Variants in SPIDR observed in about 807,000 individuals in gnomAD.
The protein encoded by SPIDR is DNA repair-scaffolding protein.
Under a neutral mutation model 104.6 loss-of-function variants are expected in SPIDR, and 93 were observed. That is an observed-to-expected ratio of 0.89 (90% CI 0.75 to 1.06). The LOEUF (loss-of-function observed/expected upper bound fraction) is 1.06, where lower values mean the gene tolerates loss of function less well. Among genes scored for constraint, SPIDR ranks in the 50% least tolerant of loss-of-function variants. The pLI is 0.00. For missense variants in SPIDR, 1,154 were observed against 1,111.2 expected (o/e 1.04, Z -0.55); for synonymous variants, 431 against 416.9 (o/e 1.03, Z -0.41).
chr8:47,389,169 A>G (rs1396846411), intron 5 of SPIDR, among the ~76,000 whole-genome samples: 2 of 152,224 alleles, frequency 1.3e-5, no homozygotes, highest in South Asian at 2.1e-4. Flanking sequence ...TTTTAATGCT[A>G]TAAAAGATCC....
At chr8:47,592,518 T>A in intron 8 of SPIDR, 1 of 1,392,000 alleles carries the variant, frequency 7.2e-7, no homozygotes, top group Admixed American at 1.7e-5. Context: ...TAACAGGCAT[T>A]GCTCTCATCT....
At chr8:47,641,600 A>G (rs1439117510) in intron 10 of SPIDR, among the ~76,000 whole-genome samples, 2 of 152,174 alleles carry the variant, frequency 1.3e-5, no homozygotes, top group Non-Finnish European at 2.9e-5. Flanking sequence ...CAGTTCTTGA[A>G]ATTTAAGTAA....
At chr8:47,628,168 A>G (rs1229062621) in intron 10 of SPIDR, among the ~76,000 whole-genome samples, 1 of 152,212 alleles carries the variant, frequency 6.6e-6, no homozygotes, top group Non-Finnish European at 1.5e-5. Flanking sequence ...CCTTCCACAG[A>G]ACATGCTTCC....
intron 8 of SPIDR, among the ~76,000 whole-genome samples, chr8:47,467,269 G>T (rs958190017): frequency 6.6e-6 from 1 of 152,064 alleles, no homozygotes; most frequent in African/African-American, 2.4e-5. Flanking sequence ...ATTCACAGCT[G>T]AATTCTACCA....
intron 5 of SPIDR, among the ~76,000 whole-genome samples, chr8:47,339,149 G>A (rs1646146881): frequency 6.6e-6 from 1 of 152,142 alleles, no homozygotes; most frequent in African/African-American, 2.4e-5. Context: ...CACCATTCAA[G>A]AATTAAGATT....
At chr8:47,304,240 C>T (rs1360375511) in intron 5 of SPIDR, among the ~76,000 whole-genome samples, 2 of 152,084 alleles carry the variant, frequency 1.3e-5, no homozygotes, top group African/African-American at 4.8e-5. Context: ...ATTGTAATTT[C>T]CATTGTTGGA....
At chr8:47,522,528 T>C (rs751315027) in intron 8 of SPIDR, among the ~76,000 whole-genome samples, 19 of 152,142 alleles carry the variant, frequency 1.2e-4, no homozygotes, top group Non-Finnish European at 2.5e-4. Flanking sequence ...GAAGTCTCTA[T>C]GTCCCGGTTA....
chr8:47,729,227 G>T (rs2084809678), intron 18 of SPIDR, 180 bp downstream of exon 18: 1 of 1,455,414 alleles, frequency 6.9e-7, no homozygotes. Context: ...AAAGGTGGGA[G>T]GATGCACCCT....
chr8:47,459,634 T>G (rs2154352521), intron 8 of SPIDR, among the ~76,000 whole-genome samples: 1 of 152,286 alleles, frequency 6.6e-6, no homozygotes, highest in African/African-American at 2.4e-5. Flanking sequence ...CATTTAGTTC[T>G]GTTTTGATCT....
intron 8 of SPIDR, among the ~76,000 whole-genome samples, chr8:47,530,809 T>C (rs2085853912): frequency 6.6e-6 from 1 of 152,224 alleles, no homozygotes; most frequent in Non-Finnish European, 1.5e-5. Flanking sequence ...TTTTTTATCC[T>C]TTTGTAGTAA....
chr8:47,358,257 A>G (rs993707650), intron 5 of SPIDR, among the ~76,000 whole-genome samples: 1 of 151,846 alleles, frequency 6.6e-6, no homozygotes, highest in African/African-American at 2.4e-5. Flanking sequence ...GCTAATTTTT[A>G]TAAAAAGTTT....
intron 10 of SPIDR, among the ~76,000 whole-genome samples, chr8:47,602,890 A>G (rs1489331582): frequency 6.6e-6 from 1 of 152,232 alleles, no homozygotes; most frequent in African/African-American, 2.4e-5. Context: ...TCCCCTGTCC[A>G]TTGTTCTTCT....
At chr8:47,435,328 G>A (rs1203050487) in intron 7 of SPIDR, among the ~76,000 whole-genome samples, 17 of 140,676 alleles carry the variant, frequency 1.2e-4, no homozygotes, top group Admixed American at 1.1e-3. Flanking sequence ...GCTCAGATCT[G>A]TGTGTGTGTG....
chr8:47,424,285 TA>T (rs1218580148), intron 7 of SPIDR, among the ~76,000 whole-genome samples: 1 of 152,216 alleles, frequency 6.6e-6, no homozygotes, highest in Non-Finnish European at 1.5e-5. Context: ...TCATAGTTTT[TA>T]AAACTAAAAG....
At chr8:47,646,348 G>A (rs1251397758) in intron 10 of SPIDR, among the ~76,000 whole-genome samples, 3 of 152,184 alleles carry the variant, frequency 2.0e-5, no homozygotes, top group Admixed American at 6.5e-5. Flanking sequence ...GAGCACCTTG[G>A]CATGTGTATA....
At chr8:47,490,569 C>G (rs947695742) in intron 8 of SPIDR, among the ~76,000 whole-genome samples, 21 of 152,288 alleles carry the variant, frequency 1.4e-4, no homozygotes, top group Non-Finnish European at 3.1e-4. Context: ...TGGCACTATT[C>G]ACAGTAGCAA....
At chr8:47,639,621 A>C (rs2154446278) in intron 10 of SPIDR, among the ~76,000 whole-genome samples, 1 of 152,324 alleles carries the variant, frequency 6.6e-6, no homozygotes, top group South Asian at 2.1e-4. Context: ...TTTCAGGCCC[A>C]GTGATGAATC....
chr8:47,356,498 CT>C (rs2054579073), intron 5 of SPIDR, among the ~76,000 whole-genome samples: 1 of 152,098 alleles, frequency 6.6e-6, no homozygotes, highest in East Asian at 1.9e-4. Context: ...AGATTCTGCA[CT>C]TAATTAGGAA....
intron 5 of SPIDR, among the ~76,000 whole-genome samples, chr8:47,304,423 T>G (rs1236806380): frequency 3.9e-5 from 6 of 152,134 alleles, no homozygotes; most frequent in African/African-American, 1.4e-4. Context: ...CCCCAGCACT[T>G]TGGGAGGCCA....
Sources: allele counts gnomAD v4.1 joint callset (sites outside exome capture counted in the v4.1 genomes callset), GRCh38; gene constraint gnomAD v4.1.1; transcripts MANE v1.5; gene names NCBI Gene and HGNC (gene_info 2026-07-23, HGNC 2026-07-21).